Variants in CFAP263 observed in about 807,000 individuals in gnomAD.
CFAP263 encodes cilia- and flagella-associated protein 263.
chr16:58,251,804 TCTC>T, the CFAP263 span, among the ~76,000 whole-genome samples: 2 of 13,190 alleles, frequency 1.5e-4, no homozygotes, highest in Admixed American at 9.0e-4. Flanking sequence ...TCAAAGCTGT[TCTC>T]TCTCTCATAT....
At chr16:58,250,597 T>A in the CFAP263 span, among the ~76,000 whole-genome samples, 1 of 152,098 alleles carries the variant, frequency 6.6e-6, no homozygotes, top group East Asian at 1.9e-4. Flanking sequence ...AAACCCCGTA[T>A]CTACTAAAGA....
chr16:58,272,282 CTGGGATTACAAGCG>C, the CFAP263 span, among the ~76,000 whole-genome samples: 2 of 152,102 alleles, frequency 1.3e-5, no homozygotes, highest in African/African-American at 4.8e-5. Flanking sequence ...TCCCAAAGTG[CTGGGATTACAAGCG>C]TGAGCCACCG....
chr16:58,279,946 C>T, the CFAP263 span: 4 of 634,238 alleles, frequency 6.3e-6, no homozygotes, highest in East Asian at 1.1e-4. Flanking sequence ...AGTGTTTTCA[C>T]AGCCTGGCCC....
chr16:58,265,210 T>A, the CFAP263 span, among the ~76,000 whole-genome samples: 1 of 152,220 alleles, frequency 6.6e-6, no homozygotes, highest in Non-Finnish European at 1.5e-5. Context: ...GGACTGTGAA[T>A]ATGATGGATT....
the CFAP263 span, among the ~76,000 whole-genome samples, chr16:58,276,082 A>G: frequency 4.0e-3 from 615 of 152,352 alleles, 5 homozygotes; most frequent in African/African-American, 0.014. Context: ...ATAACTCCAA[A>G]TAAATAACTT....
At chr16:58,280,578 G>T in the CFAP263 span, 4 of 1,614,164 alleles carry the variant, frequency 2.5e-6, no homozygotes, top group South Asian at 4.4e-5. Context: ...CCCAGTGGTG[G>T]AGTGAGGACA....
the CFAP263 span, chr16:58,278,497 G>A: frequency 8.7e-6 from 14 of 1,614,098 alleles, no homozygotes; most frequent in Admixed American, 1.7e-5. Context: ...GGCCAAAGCC[G>A]AGGCAGTGAA....
At chr16:58,267,607 G>T in the CFAP263 span, 1 of 1,452,574 alleles carries the variant, frequency 6.9e-7, no homozygotes. Context: ...GCAAAATGTG[G>T]TATTTCTGAT....
chr16:58,281,105 A>T, the CFAP263 span: 5 of 246,532 alleles, frequency 2.0e-5, no homozygotes, highest in Non-Finnish European at 3.9e-5. Flanking sequence ...TTGTCCTGAA[A>T]TGCTCACATT....
the CFAP263 span, among the ~76,000 whole-genome samples, chr16:58,263,522 C>T: frequency 6.6e-6 from 1 of 152,170 alleles, no homozygotes. Flanking sequence ...TTGCCGACCC[C>T]TCGCATAGTG....
the CFAP263 span, chr16:58,279,914 T>C: frequency 1.4e-6 from 1 of 704,292 alleles, no homozygotes; most frequent in Non-Finnish European, 2.4e-6. Context: ...TATCATCTCC[T>C]GGGCCACATC....
chr16:58,266,624 G>A, the CFAP263 span, among the ~76,000 whole-genome samples: 9 of 151,562 alleles, frequency 5.9e-5, no homozygotes, highest in Non-Finnish European at 8.8e-5. Context: ...CTGGTGGGTG[G>A]GTTTTCAGGG....
the CFAP263 span, chr16:58,254,156 C>T: frequency 1.5e-5 from 25 of 1,614,160 alleles, no homozygotes; most frequent in East Asian, 1.6e-4. Flanking sequence ...TGCAGCATCA[C>T]GAGGTACACC....
the CFAP263 span, among the ~76,000 whole-genome samples, chr16:58,266,403 A>ATTT: frequency 3.4e-5 from 1 of 29,462 alleles, no homozygotes; most frequent in Non-Finnish European, 5.9e-5. Flanking sequence ...ATATATATAT[A>ATTT]TATTTTTTTT....
At chr16:58,259,004 A>AATAAATAAATAAATAAATAAATAAATAT in the CFAP263 span, among the ~76,000 whole-genome samples, 1 of 151,276 alleles carries the variant, frequency 6.6e-6, no homozygotes, top group African/African-American at 2.4e-5. Context: ...TAAATAAATA[A>AATAAATAAATAAATAAATAAATAAATAT]ATAAATAAAT....
At chr16:58,283,777 C>T in the CFAP263 span, 2 of 152,264 alleles carry the variant, frequency 1.3e-5, no homozygotes, top group South Asian at 2.1e-4. Flanking sequence ...GAAGGGCAAA[C>T]ATATTTCTTA....
the CFAP263 span, among the ~76,000 whole-genome samples, chr16:58,265,487 G>T: frequency 6.6e-6 from 1 of 152,188 alleles, no homozygotes; most frequent in South Asian, 2.1e-4. Context: ...CCTGCTGACA[G>T]CCCAAAAGAA....
chr16:58,250,183 C>T, the CFAP263 span: 1 of 912,334 alleles, frequency 1.1e-6, no homozygotes, highest in Non-Finnish European at 1.7e-6. Flanking sequence ...CGGCCTCGGA[C>T]TTGGGGACCA....
the CFAP263 span, among the ~76,000 whole-genome samples, chr16:58,261,448 C>T: frequency 6.6e-6 from 1 of 152,196 alleles, no homozygotes; most frequent in African/African-American, 2.4e-5. Context: ...CTTAATGCCG[C>T]TGCTACACAA....
Sources: allele counts gnomAD v4.1 joint callset (sites outside exome capture counted in the v4.1 genomes callset), GRCh38; gene constraint gnomAD v4.1.1; transcripts MANE v1.5; gene names NCBI Gene and HGNC (gene_info 2026-07-23, HGNC 2026-07-21).